Variants in THAP5 observed in about 807,000 individuals in gnomAD.
THAP5 encodes the protein THAP domain containing 5, also known as THAP domain-containing protein 5.
A neutral mutation model predicts 34.0 loss-of-function variants in THAP5; 26 were observed. That is an observed-to-expected ratio of 0.77 (90% confidence interval 0.56 to 1.06). The LOEUF (loss-of-function observed/expected upper bound fraction) is 1.06. THAP5 is among the 50% of genes least tolerant of loss of function. THAP5 has a pLI of 0.00. For synonymous variants in THAP5, 125 were observed against 153.0 expected, an observed-to-expected ratio of 0.82 and a Z score of 1.35; for missense variants, 394 against 452.8, an observed-to-expected ratio of 0.87 and a Z score of 1.18.
intron 1 of THAP5, 45 bp from the exon 2 acceptor site, chr7:108,566,067 T>C: frequency 6.8e-7 from 1 of 1,471,332 alleles, no homozygotes; most frequent in Non-Finnish European, 9.0e-7. Flanking sequence ...AACTTTGCTA[T>C]ATTTTTACAA....
chr7:108,542,936 TA>T, the THAP5 span, among the ~76,000 whole-genome samples: 1 of 151,838 alleles, frequency 6.6e-6, no homozygotes, highest in Non-Finnish European at 1.5e-5. Context: ...TATTTTATTT[TA>T]TTTTTTTGAG....
At chr7:108,552,040 A>AGTAT (rs1864356609), downstream of THAP5, among the ~76,000 whole-genome samples, 1 of 152,086 alleles carries the variant, frequency 6.6e-6, no homozygotes, top group Non-Finnish European at 1.5e-5. Context: ...ACTGAAACTG[A>AGTAT]GTATGTGATA....
intron 2 of THAP5, 197 bp from the exon 3 acceptor site, chr7:108,565,302 A>G (rs1037363267): frequency 6.9e-6 from 3 of 434,726 alleles, no homozygotes; most frequent in Non-Finnish European, 1.2e-5. Context: ...AACATTTCAG[A>G]TCATTCAAAA....
At chr7:108,547,414 C>G in the THAP5 span, among the ~76,000 whole-genome samples, 2 of 152,148 alleles carry the variant, frequency 1.3e-5, no homozygotes, top group Non-Finnish European at 2.9e-5. Flanking sequence ...GAACCATGCA[C>G]TGAATAAAAC....
Position 108,565,102 on chromosome 7 carries a change from T to C in THAP5, c.277A>G (p.Lys93Glu). The change falls in exon 3 of 3, where the codon AAA becomes GAA. Residue 93 changes from lysine to glutamate, a missense_variant. Physicochemically the swap from Lys to Glu is moderately conservative, Grantham distance 56. Transcript: ENST00000415914. ...IFSLPEDNQG[K>E]DPSKKKSQKK... is the part of the protein sequence containing the mutation. The stretch of plus-strand genomic sequence containing the variant: ...TGGGATTTTTTTTTAGAAGGGTCTT[T>C]TCCCTAGAAAATAATATTTTCATGT... 6.7e-7 allele frequency: 1 copy of C among 1,500,762 alleles called. No homozygotes were observed. The highest frequency in any genetic ancestry group is 8.9e-7 in the Non-Finnish European group (1 of 1,128,144). 93.0% of individuals were successfully genotyped at this position (1,500,762 alleles called of 1,614,324 possible).
chr7:108,565,357 A>G (rs745501282), intron 2 of THAP5: 151 of 273,660 alleles, frequency 5.5e-4, no homozygotes, highest in Admixed American at 1.2e-3. Context: ...AACTGAGGTC[A>G]GGAGTTCAAG....
rs375104804 is a variant in THAP5 at position 108,564,492 on chromosome 7, G to A, written c.887C>T (p.Thr296Met). Residue 296 changes from threonine (T) to methionine (M), a missense_variant, in exon 3 of 3, where the codon ACG becomes ATG. Transcript: ENST00000415914. ...TTCAATGTCTGTGTCTTCCATTTCCGTGGTTTCTTTTTGTGCAGATATAAA... is the reference window on the plus strand; with the variant it reads ...TTCAATGTCTGTGTCTTCCATTTCCATGGTTTCTTTTTGTGCAGATATAAA... ...NSFISAQKET[T>M]EMEDTDIEDS... 1.8e-5 allele frequency: 29 copies of A among 1,613,840 alleles called. No individual in the cohort carries two copies. Among genetic ancestry groups the A allele is most frequent in the African/African-American group, 1.6e-4 (12 of 74,998 alleles).
downstream of THAP5, among the ~76,000 whole-genome samples, chr7:108,550,699 T>C (rs1269185568): frequency 6.6e-6 from 1 of 152,184 alleles, no homozygotes; most frequent in Non-Finnish European, 1.5e-5. Context: ...TCACATGGTC[T>C]TTCTAGGATG....
rs747222532 is a variant in THAP5, at chr7:108,564,307, T to C, written c.1072A>G (p.Arg358Gly). ...ATAAGAGCTTCCAAAGACTTCAATC[T>C]ACCTAGAGTTTGTTGCTCTTTTAAC... is the stretch of plus-strand genomic sequence containing the variant. ...LELKEQQTLG[R>G]LKSLEALIRQ... The change falls in exon 3 of 3, where the codon AGA (arginine) becomes GGA (glycine). Residue 358 changes from arginine (R) to glycine (G), a missense_variant. Transcript: ENST00000415914. 1.2e-6 allele frequency: 2 copies of C among 1,613,896 alleles called. No homozygotes were observed. Among genetic ancestry groups the C allele is most frequent in the Non-Finnish European group, 1.7e-6 (2 of 1,179,886 alleles).
the THAP5 span, among the ~76,000 whole-genome samples, chr7:108,542,516 G>A: frequency 6.6e-6 from 1 of 152,206 alleles, no homozygotes; most frequent in East Asian, 1.9e-4. Context: ...AGGCTGGAGT[G>A]CAGTGGCACG....
chr7:108,566,221 G>A (rs2154518105), intron 1 of THAP5, among the ~76,000 whole-genome samples, 199 bp from the exon 2 acceptor site: 1 of 152,286 alleles, frequency 6.6e-6, no homozygotes, highest in Non-Finnish European at 1.5e-5. Flanking sequence ...GGCCTAAGAT[G>A]TAAGACATGT....
chr7:108,560,317 C>T (rs140463349), downstream of THAP5, among the ~76,000 whole-genome samples: 28 of 152,342 alleles, frequency 1.8e-4, no homozygotes, highest in East Asian at 4.4e-3. Flanking sequence ...TGCTCACCCA[C>T]AGCCTCTTTT....
At chr7:108,549,304 T>C in the THAP5 span, among the ~76,000 whole-genome samples, 1 of 152,078 alleles carries the variant, frequency 6.6e-6, no homozygotes, top group African/African-American at 2.4e-5. Flanking sequence ...GTATTTTTAG[T>C]AGAGACGGGG....
At chr7:108,554,224 G>T (rs573838677), downstream of THAP5, among the ~76,000 whole-genome samples, 47 of 152,288 alleles carry the variant, frequency 3.1e-4, no homozygotes, top group African/African-American at 8.7e-4. Flanking sequence ...CCAGTCTCAG[G>T]TATTTTGTTA....
chr7:108,545,743 T>C, the THAP5 span, among the ~76,000 whole-genome samples: 1 of 152,222 alleles, frequency 6.6e-6, no homozygotes, highest in Non-Finnish European at 1.5e-5. Flanking sequence ...CATTGATTTA[T>C]TTGTTAATCA....
At chr7:108,554,818 T>C (rs1489681108) in exon 2 of THAP5, 2 of 152,232 alleles carry the variant, frequency 1.3e-5, no homozygotes, top group African/African-American at 4.8e-5. Context: ...TTCTGGTGTA[T>C]GTCCCCCTTC....
intron 1 of THAP5, chr7:108,568,364 C>T (rs540488851): frequency 1.8e-4 from 27 of 152,588 alleles, no homozygotes; most frequent in African/African-American, 6.5e-4. Context: ...CGCCGCCACG[C>T]GCAGCTAATT....
chr7:108,558,894 C>T (rs777899101), downstream of THAP5, among the ~76,000 whole-genome samples: 5 of 152,188 alleles, frequency 3.3e-5, no homozygotes, highest in Non-Finnish European at 5.9e-5. Flanking sequence ...TAACAATTCA[C>T]TCAACATATT....
downstream of THAP5, among the ~76,000 whole-genome samples, chr7:108,559,434 A>G (rs963812219): frequency 6.6e-6 from 1 of 152,232 alleles, no homozygotes; most frequent in African/African-American, 2.4e-5. Context: ...ACTGAATTTA[A>G]TTAGACATTG....
Sources: allele counts gnomAD v4.1 joint callset (sites outside exome capture counted in the v4.1 genomes callset), GRCh38; gene constraint gnomAD v4.1.1; transcripts MANE v1.5; gene names NCBI Gene and HGNC (gene_info 2026-07-23, HGNC 2026-07-21).